Variants in GALNTL6 observed in about 807,000 individuals in gnomAD.
GALNTL6 encodes the protein polypeptide N-acetylgalactosaminyltransferase like 6.
Under a neutral mutation model 73.7 loss-of-function variants are expected in GALNTL6, and 46 were observed. The ratio of observed to expected loss-of-function variants is 0.62; its 90% CI spans 0.49 to 0.80. GALNTL6 has a LOEUF of 0.80. Ranked by LOEUF, GALNTL6 falls within the 30% of genes least tolerant of loss-of-function variation. GALNTL6 has a pLI of 0.00. For missense variants in GALNTL6, 604 were observed against 755.0 expected (o/e 0.80, Z 2.34); for synonymous variants, 259 against 263.7 (o/e 0.98, Z 0.17).
At chr4:172,498,638 G>A (rs1734153873) in intron 5 of GALNTL6, among the ~76,000 whole-genome samples, 1 of 151,998 alleles carries the variant, frequency 6.6e-6, no homozygotes, top group Admixed American at 6.6e-5. Flanking sequence ...TATAAATTCA[G>A]GTTAACTGAA....
intron 2 of GALNTL6, among the ~76,000 whole-genome samples, chr4:171,840,104 C>T (rs556197633): frequency 3.3e-5 from 5 of 152,276 alleles, no homozygotes; most frequent in Middle Eastern, 3.4e-3. Context: ...CTTTTACTCT[C>T]TTGTTTAACC....
intron 2 of GALNTL6, among the ~76,000 whole-genome samples, chr4:172,086,930 T>C (rs1055192738): frequency 6.6e-6 from 1 of 152,336 alleles, no homozygotes; most frequent in South Asian, 2.1e-4. Flanking sequence ...ATTCTTCATA[T>C]GGAATATACC....
At chr4:172,364,995 C>T (rs1002973217) in intron 5 of GALNTL6, among the ~76,000 whole-genome samples, 2 of 152,020 alleles carry the variant, frequency 1.3e-5, no homozygotes, top group African/African-American at 4.8e-5. Flanking sequence ...CTGCTATTTC[C>T]CCAAAGACTA....
At chr4:172,192,659 A>G (rs75366466) in intron 2 of GALNTL6, among the ~76,000 whole-genome samples, 1 of 152,152 alleles carries the variant, frequency 6.6e-6, no homozygotes, top group Admixed American at 6.5e-5. Context: ...GTTTTCATGG[A>G]TCTGTGCAAC....
intron 5 of GALNTL6, among the ~76,000 whole-genome samples, chr4:172,522,868 G>A (rs574637162): frequency 2.7e-4 from 41 of 152,072 alleles, no homozygotes; most frequent in Admixed American, 5.2e-4. Context: ...GTGCAACTGA[G>A]TAATTTATTA....
intron 2 of GALNTL6, among the ~76,000 whole-genome samples, chr4:171,854,727 C>A (rs1735637690): frequency 6.6e-6 from 1 of 152,318 alleles, no homozygotes; most frequent in South Asian, 2.1e-4. Context: ...AGAAGGCTAT[C>A]TTCTCACTGT....
chr4:171,885,056 C>CAAA lies in GALNTL6; in HGVS notation c.138+70345_138+70347dup, dbSNP rs113416452. On this transcript the variant is annotated intron_variant, in intron 2 of 12. Coordinates refer to ENST00000506823, the MANE Select transcript of GALNTL6 (RefSeq NM_001034845.3). Reference sequence around the variant, plus strand: ...TGGGCAACAGAGTGAGACTCTACCTCAAAAAAAAAGAAAAGAAAAGAAAAA... The same window carrying CAAA: ...TGGGCAACAGAGTGAGACTCTACCTCAAAAAAAAAAAAGAAAAGAAAAGAAAAA... Among the ~76,000 whole-genome samples, 114 of 139,886 alleles carry CAAA rather than the reference C, an allele frequency of 8.1e-4. 1 individual carries two copies. Among genetic ancestry groups the CAAA allele is most frequent in the Non-Finnish European group, 1.1e-3 (71 of 65,394 alleles). The allele number at this position is 139,886 out of a possible 152,430, so 91.8% of individuals were successfully genotyped here.
intron 5 of GALNTL6, among the ~76,000 whole-genome samples, chr4:172,791,534 G>A (rs1026095481): frequency 5.3e-5 from 8 of 152,126 alleles, no homozygotes; most frequent in African/African-American, 1.9e-4. Flanking sequence ...AAAAGATAAC[G>A]GAATGTGGAA....
At chr4:172,501,798 T>C (rs918335043) in intron 5 of GALNTL6, among the ~76,000 whole-genome samples, 3 of 152,188 alleles carry the variant, frequency 2.0e-5, no homozygotes, top group African/African-American at 7.2e-5. Context: ...AAAATATGTA[T>C]AAGCCTCCTA....
intron 2 of GALNTL6, among the ~76,000 whole-genome samples, chr4:172,194,347 CG>C (rs1560963617): frequency 1.3e-5 from 2 of 152,144 alleles, no homozygotes; most frequent in African/African-American, 4.8e-5. Context: ...TTGAAAGAGA[CG>C]GGTAGAACAG....
At chr4:172,433,588 A>G (rs1347899110) in intron 5 of GALNTL6, among the ~76,000 whole-genome samples, 1 of 152,156 alleles carries the variant, frequency 6.6e-6, no homozygotes, top group Non-Finnish European at 1.5e-5. Context: ...TAAAATATCA[A>G]CTACCATGCC....
chr4:172,481,717 A>G (rs916235148), intron 5 of GALNTL6, among the ~76,000 whole-genome samples: 8 of 152,166 alleles, frequency 5.3e-5, no homozygotes, highest in Admixed American at 6.5e-5. Context: ...TGGTGCATCC[A>G]CGAACCCTGA....
Position 172,693,634 on chromosome 4 carries a change from C to T in GALNTL6, c.554-115727C>T, listed in dbSNP as rs77897433. 2.3e-3 allele frequency among the ~76,000 whole-genome samples: 356 copies of T among 152,330 alleles called. 3 individuals are homozygous for T. The East Asian group carries it at 0.031, about 13-fold the overall frequency. On this transcript the variant is annotated intron_variant, in intron 5 of 12. Coordinates refer to ENST00000506823, the MANE Select transcript of GALNTL6 (RefSeq NM_001034845.3). ...AAGCCTCCTCTCACTATGCTCCTTC[C>T]GCACTCAAGGCTCCACCTATGGGGG...
chr4:172,879,929 T>C (rs915159998), intron 7 of GALNTL6, among the ~76,000 whole-genome samples: 1 of 151,886 alleles, frequency 6.6e-6, no homozygotes, highest in Non-Finnish European at 1.5e-5. Context: ...TTAATAATTA[T>C]GGAAATGCAA....
intron 5 of GALNTL6, among the ~76,000 whole-genome samples, chr4:172,546,786 A>ATATATATATACGTATATATACG (rs1390839162): frequency 3.0e-4 from 3 of 9,850 alleles, no homozygotes; most frequent in African/African-American, 8.4e-4. Context: ...ACTCCGCTTT[A>ATATATATATACGTATATATACG]TATATATATA....
At chr4:171,824,473 A>G (rs573471633) in intron 2 of GALNTL6, among the ~76,000 whole-genome samples, 3 of 152,266 alleles carry the variant, frequency 2.0e-5, no homozygotes, top group African/African-American at 7.2e-5. Flanking sequence ...TAGATGGTGT[A>G]AGGCTTTAAT....
chr4:172,911,112 G>A (rs1422290185), intron 8 of GALNTL6, among the ~76,000 whole-genome samples: 1 of 152,178 alleles, frequency 6.6e-6, no homozygotes, highest in Admixed American at 6.5e-5. Context: ...TTTCTCCATA[G>A]TTGTCTGAAA....
intron 12 of GALNTL6, among the ~76,000 whole-genome samples, chr4:173,026,394 C>A (rs778939606): frequency 6.6e-5 from 10 of 152,126 alleles, no homozygotes; most frequent in Non-Finnish European, 1.3e-4. Context: ...ATAAATACCC[C>A]AACTCCCTTG....
chr4:171,874,560 G>A (rs1462588822), intron 2 of GALNTL6, among the ~76,000 whole-genome samples: 1 of 152,150 alleles, frequency 6.6e-6, no homozygotes, highest in East Asian at 1.9e-4. Context: ...CCAGAATTGG[G>A]CTATGTATTT....
Sources: allele counts gnomAD v4.1 joint callset (sites outside exome capture counted in the v4.1 genomes callset), GRCh38; gene constraint gnomAD v4.1.1; transcripts MANE v1.5; gene names NCBI Gene and HGNC (gene_info 2026-07-23, HGNC 2026-07-21).